Variants in DLGAP4 observed in about 807,000 individuals in gnomAD.
The protein encoded by DLGAP4 is DLG associated protein 4.
A neutral mutation model predicts 86.9 loss-of-function variants in DLGAP4; 18 were observed. The ratio of observed to expected loss-of-function variants is 0.21; its 90% CI spans 0.14 to 0.31. DLGAP4 has a LOEUF of 0.31. Ranked by LOEUF, DLGAP4 falls within the 10% of genes least tolerant of loss-of-function variation. DLGAP4 has a pLI of 1.00. For synonymous variants in DLGAP4, 548 were observed against 574.3 expected (o/e 0.95, Z 0.65); for missense variants, 1,085 against 1,362.6 (o/e 0.80, Z 3.21).
intron 1 of DLGAP4, among the ~76,000 whole-genome samples, chr20:36,315,231 C>T (rs2065088116): frequency 6.6e-6 from 1 of 151,608 alleles, no homozygotes; most frequent in Non-Finnish European, 1.5e-5. Flanking sequence ...GTTACATCAC[C>T]TCCCAGATGA....
intron 2 of DLGAP4, among the ~76,000 whole-genome samples, chr20:36,420,988 A>G (rs6011983): frequency 0.084 from 12,742 of 151,756 alleles, 711 homozygotes; most frequent in East Asian, 0.23. Context: ...AAAAAAAAAA[A>G]ATTAGTAGCC....
intron 7 of DLGAP4, among the ~76,000 whole-genome samples, chr20:36,488,718 C>CA (rs1402634255): frequency 6.6e-6 from 1 of 152,058 alleles, no homozygotes; most frequent in Non-Finnish European, 1.5e-5. Context: ...GCTGGGACTA[C>CA]AGGCATCCAC....
chr20:36,410,179 T>C (rs940556096), intron 2 of DLGAP4, among the ~76,000 whole-genome samples: 6 of 152,222 alleles, frequency 3.9e-5, no homozygotes, highest in African/African-American at 1.2e-4. Context: ...AGCTGCATAC[T>C]GTAGCAGATG....
At chr20:36,321,744 C>T (rs1179301943) in intron 1 of DLGAP4, among the ~76,000 whole-genome samples, 3 of 152,248 alleles carry the variant, frequency 2.0e-5, no homozygotes, top group Middle Eastern at 3.4e-3. Context: ...GTGGGGGTCC[C>T]AGGGTGGGAA....
intron 2 of DLGAP4, among the ~76,000 whole-genome samples, chr20:36,421,687 C>T (rs138059255): frequency 0.012 from 1,840 of 151,930 alleles, 16 homozygotes; most frequent in Non-Finnish European, 0.02. Flanking sequence ...GGGTACTTCC[C>T]GGTTTCTGAC....
At chr20:36,461,726 C>T (rs867570623) in intron 7 of DLGAP4, 42 of 894,528 alleles carry the variant, frequency 4.7e-5, no homozygotes, top group South Asian at 5.3e-5. Context: ...TCCTCCTCCC[C>T]GTCTGTCCGT....
intron 10 of DLGAP4, among the ~76,000 whole-genome samples, chr20:36,515,495 AG>A (rs1448131292): frequency 6.6e-6 from 1 of 152,238 alleles, no homozygotes; most frequent in Non-Finnish European, 1.5e-5. Context: ...TTTTAGAAAT[AG>A]GTAGTGTAGT....
Position 36,357,249 on chromosome 20 carries a change from T to C in DLGAP4, c.-303-9796T>C, listed in dbSNP as rs180790302. Among the ~76,000 whole-genome samples the C allele has an allele frequency of 6.0e-4, 91 of 152,272 alleles. 2 individuals are homozygous for C. In the East Asian group the frequency reaches 0.017, roughly 28 times the overall value. On this transcript the variant is annotated intron_variant, in intron 1 of 12. Coordinates refer to ENST00000339266, the MANE Select transcript of DLGAP4 (RefSeq NM_001365621.2). Reference sequence around the variant, plus strand: ...TGACTTGTGCAGAAGTTCCCAAACATGGCGTGCTCTGTCCCTCTTCCCGCC... The same window carrying C: ...TGACTTGTGCAGAAGTTCCCAAACACGGCGTGCTCTGTCCCTCTTCCCGCC...
chr20:36,366,371 T>C (rs1000604998), intron 1 of DLGAP4, among the ~76,000 whole-genome samples: 4 of 152,130 alleles, frequency 2.6e-5, no homozygotes, highest in Non-Finnish European at 5.9e-5. Context: ...TGGTTCCTGC[T>C]GATTTAAAGA....
intron 1 of DLGAP4, among the ~76,000 whole-genome samples, chr20:36,357,484 C>T: frequency 6.6e-6 from 1 of 152,330 alleles, no homozygotes; most frequent in East Asian, 1.9e-4. Flanking sequence ...TGCTGCAAAG[C>T]CACTGTGAGG....
At chr20:36,441,015 GC>G (rs1438922792) in intron 5 of DLGAP4, among the ~76,000 whole-genome samples, 1 of 151,998 alleles carries the variant, frequency 6.6e-6, no homozygotes, top group Non-Finnish European at 1.5e-5. Flanking sequence ...AGCCCAGGGA[GC>G]CCCCTGCCCC....
chr20:36,385,636 G>C (rs113287844), intron 2 of DLGAP4, among the ~76,000 whole-genome samples: 1 of 152,218 alleles, frequency 6.6e-6, no homozygotes, highest in African/African-American at 2.4e-5. Context: ...GCATCCTTGT[G>C]GGGGGTCAGT....
In DLGAP4 at chr20:36,499,691, G is replaced by A. The variant is rs778117366; in HGVS notation, c.2099+15G>A. 2 of 1,609,568 alleles carry A rather than the reference G, an allele frequency of 1.2e-6. No homozygotes were observed. The highest frequency in any genetic ancestry group is 8.5e-7 in the Non-Finnish European group (1 of 1,177,694). On this transcript the variant is annotated intron_variant, in intron 9 of 12. Transcript: ENST00000339266. ...GACGACTGGCGGTAAGTCGGACAGA[G>A]GTGGCGGCTGCTTCTCCCCTCTCCT...
intron 7 of DLGAP4, among the ~76,000 whole-genome samples, chr20:36,470,274 A>G (rs992000077): frequency 3.9e-5 from 6 of 152,060 alleles, no homozygotes; most frequent in African/African-American, 1.4e-4. Flanking sequence ...AAGTTTTCCC[A>G]CAGTCTTCCC....
At chr20:36,483,188 A>G (rs2147714307) in intron 7 of DLGAP4, among the ~76,000 whole-genome samples, 1 of 152,344 alleles carries the variant, frequency 6.6e-6, no homozygotes, top group East Asian at 1.9e-4. Flanking sequence ...ATTCCAATAC[A>G]TAATGGGTGA....
chr20:36,466,161 G>C (rs781759216), intron 7 of DLGAP4, among the ~76,000 whole-genome samples: 7 of 152,206 alleles, frequency 4.6e-5, no homozygotes, highest in Non-Finnish European at 8.8e-5. Context: ...GAGGATGCTG[G>C]TGCTGAGAGC....
intron 1 of DLGAP4, among the ~76,000 whole-genome samples, chr20:36,346,832 G>A (rs1426300620): frequency 1.3e-5 from 2 of 151,946 alleles, no homozygotes; most frequent in African/African-American, 2.4e-5. Context: ...TGTTTCTTAT[G>A]AAGTGAATCC....
intron 1 of DLGAP4, among the ~76,000 whole-genome samples, chr20:36,324,608 G>A (rs753113164): frequency 6.6e-6 from 1 of 152,050 alleles, no homozygotes; most frequent in South Asian, 2.1e-4. Context: ...AATGGTCTTG[G>A]CACCCCTTTC....
At chr20:36,498,990 C>T (rs568005375) in intron 8 of DLGAP4, 6 of 493,652 alleles carry the variant, frequency 1.2e-5, no homozygotes, top group African/African-American at 2.0e-5. Flanking sequence ...GTGTGAATAA[C>T]GTCCAGGGAC....
Sources: gnomAD v4.1 joint callset for allele counts (sites outside exome capture counted in the v4.1 genomes callset) on GRCh38, gnomAD v4.1.1 for gene constraint, MANE v1.5 for transcripts, NCBI Gene and HGNC (gene_info 2026-07-23, HGNC 2026-07-21) for gene names.